Variants in COX17 observed in about 807,000 individuals in gnomAD.
COX17 encodes the protein cytochrome c oxidase copper chaperone COX17.
COX17 carries 1 observed loss-of-function variant against 6.3 expected under a neutral mutation model. The observed-to-expected ratio is 0.16, with a 90% CI of 0.06 to 0.75. The LOEUF (loss-of-function observed/expected upper bound fraction) is 0.75, where lower values mean the gene tolerates loss of function less well. COX17 is among the 30% of genes least tolerant of loss of function. The pLI is 0.77. For missense variants in COX17, 73 were observed against 81.2 expected, an observed-to-expected ratio of 0.90 and a Z score of 0.39; for synonymous variants, 26 against 30.5, an observed-to-expected ratio of 0.85 and a Z score of 0.49.
chr3:119,672,169 T>G (rs1406189391), intron 2 of COX17, among the ~76,000 whole-genome samples: 4 of 152,202 alleles, frequency 2.6e-5, no homozygotes, highest in African/African-American at 9.6e-5. Context: ...TGGGCATGTA[T>G]TATTGTCTCC....
chr3:119,677,182 C>A (rs1250926762), intron 1 of COX17, 22 bp downstream of exon 1: 2 of 1,592,584 alleles, frequency 1.3e-6, no homozygotes, highest in Admixed American at 3.4e-5. Context: ...GTCGGCCGCG[C>A]CCTCTCCGGC....
Position 119,676,984 on chromosome 3 carries a change from T to C in COX17, c.107+220A>G, listed in dbSNP as rs1470934254. 5.2e-6 allele frequency: 3 copies of C among 579,106 alleles called. No homozygotes were observed. In the Admixed American group the frequency reaches 7.1e-5, roughly 14 times the overall value. 35.9% of individuals were successfully genotyped at this position (579,106 alleles called of 1,614,324 possible). A position where few individuals can be genotyped will look rare whatever the true frequency, so the allele number is the denominator to read the frequency against. Reference sequence around the variant, plus strand: ...CACGAAACCTACAAGGCCCAATAATTATCTCCAGAGCGCCGCAATGGGGCG... The same window carrying C: ...CACGAAACCTACAAGGCCCAATAATCATCTCCAGAGCGCCGCAATGGGGCG... On this transcript the variant is annotated intron_variant, in intron 1 of 2. Transcript: ENST00000261070.
At chr3:119,669,723 G>A (rs889331249) in intron 2 of COX17, 58 bp from the exon 3 acceptor site, 1 of 152,108 alleles carries the variant, frequency 6.6e-6, no homozygotes, top group African/African-American at 2.4e-5. Flanking sequence ...CAGATCTATG[G>A]AGTCAGGGAA....
At chr3:119,673,146 A>T (rs1285777737) in intron 2 of COX17, among the ~76,000 whole-genome samples, 1 of 152,206 alleles carries the variant, frequency 6.6e-6, no homozygotes, top group Non-Finnish European at 1.5e-5. Flanking sequence ...CAAAAAGCAG[A>T]GGGAATCGGC....
At chr3:119,665,539 A>C (rs1262369425), downstream of COX17, among the ~76,000 whole-genome samples, 1 of 152,014 alleles carries the variant, frequency 6.6e-6, no homozygotes, top group African/African-American at 2.4e-5. Context: ...ATGCCGAGCT[A>C]ATGTTTTTAT....
chr3:119,668,471 C>CA (rs779431123), downstream of COX17, among the ~76,000 whole-genome samples: 134 of 150,830 alleles, frequency 8.9e-4, no homozygotes, highest in Non-Finnish European at 1.7e-3. Flanking sequence ...ATGCTAATAA[C>CA]AGTGCTAAAT....
At position 119,677,238 on chromosome 3, in the gene COX17, C is replaced by G; in HGVS notation, c.73G>C (p.Ala25Pro). The part of the protein sequence containing the change: ...QEKKPLKPCC[A>P]CPETKKARDA... ...CGCGCCTTCTTGGTCTCCGGGCAAG[C>G]GCAGCAGGGCTTCAGCGGCTTCTTC... The change falls in exon 1 of 3, where the codon GCT becomes CCT. Residue 25 changes from alanine to proline, a missense_variant. By Grantham distance (27) the Ala-to-Pro change is conservative. Transcript: ENST00000261070. 3 of 1,611,948 alleles carry G rather than the reference C, an allele frequency of 1.9e-6. No individual in the cohort carries two copies. Among genetic ancestry groups the G allele is most frequent in the Non-Finnish European group, 2.5e-6 (3 of 1,179,914 alleles).
intron 2 of COX17, among the ~76,000 whole-genome samples, chr3:119,670,473 C>A (rs2107832791): frequency 6.6e-6 from 1 of 152,168 alleles, no homozygotes; most frequent in African/African-American, 2.4e-5. Flanking sequence ...GAAAGATAAC[C>A]AAAAACGAAG....
downstream of COX17, among the ~76,000 whole-genome samples, chr3:119,665,030 T>G (rs766442174): frequency 3.9e-5 from 6 of 152,208 alleles, no homozygotes; most frequent in Non-Finnish European, 5.9e-5. Flanking sequence ...TTTTCTTCAG[T>G]TTATGCAAAT....
At chr3:119,671,248 A>T (rs947232390) in intron 2 of COX17, among the ~76,000 whole-genome samples, 1 of 152,210 alleles carries the variant, frequency 6.6e-6, no homozygotes, top group Admixed American at 6.5e-5. Flanking sequence ...TGAATTCTGG[A>T]AAACATTCTT....
At chr3:119,676,131 T>C (rs2053096520) in intron 1 of COX17, among the ~76,000 whole-genome samples, 1 of 152,240 alleles carries the variant, frequency 6.6e-6, no homozygotes, top group Non-Finnish European at 1.5e-5. Context: ...ATTAGAGTCA[T>C]TTTACAGACA....
intron 2 of COX17, among the ~76,000 whole-genome samples, chr3:119,672,504 G>C (rs1284315137): frequency 6.6e-6 from 1 of 151,974 alleles, no homozygotes; most frequent in African/African-American, 2.4e-5. Context: ...TTCAGCACAA[G>C]CCTACAGCTT....
chr3:119,676,554 C>T (rs569758132), intron 1 of COX17, among the ~76,000 whole-genome samples: 1 of 152,258 alleles, frequency 6.6e-6, no homozygotes, highest in African/African-American at 2.4e-5. Flanking sequence ...TTGTCCCCTG[C>T]GTCGTAGACT....
intron 2 of COX17, among the ~76,000 whole-genome samples, chr3:119,674,173 A>T (rs1451868060): frequency 7.0e-6 from 1 of 143,300 alleles, no homozygotes; most frequent in South Asian, 2.3e-4. Flanking sequence ...GTCTCTGCCC[A>T]GCTGCCCACT....
chr3:119,675,232 T>A lies in COX17; in HGVS notation c.109A>T (p.Ile37Phe), dbSNP rs1051379978. ...PETKKARDAC[I>F]IEKGEEHCGH... The stretch of plus-strand genomic sequence containing the variant: ...CAGTGTTCTTCTCCTTTCTCGATGA[T>A]ACTATAAAACAAAATGTACTTGTTA... Residue 37 changes from isoleucine to phenylalanine, a missense_variant and splice_region_variant, in exon 2 of 3, where the codon ATC (isoleucine) becomes TTC (phenylalanine). Transcript: ENST00000261070. The A allele has an allele frequency of 2.7e-5, 43 of 1,607,752 alleles. No homozygotes were observed. Among genetic ancestry groups the A allele is most frequent in the Non-Finnish European group, 3.6e-5 (42 of 1,174,294 alleles).
At chr3:119,673,932 G>C (rs989001016) in intron 2 of COX17, among the ~76,000 whole-genome samples, 1 of 151,868 alleles carries the variant, frequency 6.6e-6, no homozygotes, top group Admixed American at 6.6e-5. Context: ...GAGTACCTCT[G>C]TCCGGCCACC....
intron 2 of COX17, among the ~76,000 whole-genome samples, chr3:119,671,593 T>C (rs903028086): frequency 2.0e-5 from 3 of 152,242 alleles, no homozygotes; most frequent in African/African-American, 4.8e-5. Flanking sequence ...CTCCAGCCAA[T>C]GGCCTGTTTA....
At chr3:119,676,591 TA>T in intron 1 of COX17, 2 of 378,768 alleles carry the variant, frequency 5.3e-6, no homozygotes, top group Non-Finnish European at 9.9e-6. Flanking sequence ...TTGGTTGTCT[TA>T]AAAGGGTTGA....
intron 1 of COX17, among the ~76,000 whole-genome samples, chr3:119,675,981 G>A (rs1226234066): frequency 1.3e-5 from 2 of 152,210 alleles, no homozygotes; most frequent in African/African-American, 4.8e-5. Context: ...CTGCAAATGG[G>A]AGATTGCCTG....
Sources: gnomAD v4.1 joint callset for allele counts (sites outside exome capture counted in the v4.1 genomes callset) on GRCh38, gnomAD v4.1.1 for gene constraint, MANE v1.5 for transcripts, NCBI Gene and HGNC (gene_info 2026-07-23, HGNC 2026-07-21) for gene names.